Variants in SPAST observed in about 807,000 individuals in gnomAD.
SPAST encodes the protein spastin.
A neutral mutation model predicts 76.6 loss-of-function variants in SPAST; 30 were observed. That is an observed-to-expected ratio of 0.39 (90% CI 0.29 to 0.53). The LOEUF is 0.53. SPAST is among the 20% of genes least tolerant of loss of function. The pLI, the probability that SPAST is intolerant of heterozygous loss-of-function variation, is 0.68. For missense variants in SPAST, 717 were observed against 770.5 expected (o/e 0.93, Z 0.82); for synonymous variants, 305 against 281.0 (o/e 1.09, Z -0.86).
intron 15 of SPAST, among the ~76,000 whole-genome samples, chr2:32,145,969 G>GCCTATATTATA (rs1679873211): frequency 1.3e-5 from 2 of 152,192 alleles, no homozygotes; most frequent in African/African-American, 4.8e-5. Flanking sequence ...TGCATTAAAA[G>GCCTATATTATA]CCTACATTAT....
chr2:32,136,602 G>T lies in SPAST; in HGVS notation c.1285G>T (p.Val429Leu). 3.7e-6 allele frequency: 6 copies of T among 1,613,744 alleles called. No homozygotes were observed. Among genetic ancestry groups the T allele is most frequent in the Non-Finnish European group, 5.1e-6 (6 of 1,179,738 alleles). ...GAAATTGGTGAGGGCTCTTTTTGCT[G>T]TGGCTCGAGAACTTCAACCTTCTAT... The part of the protein sequence containing the change: ...GEKLVRALFA[V>L]ARELQPSIIF... Residue 429 changes from valine (V) to leucine (L), a missense_variant, in exon 10 of 17, where the codon GTG becomes TTG. By Grantham distance (32) the Val-to-Leu change is conservative (BLOSUM62 1). Coordinates refer to ENST00000315285, the MANE Select transcript of SPAST (RefSeq NM_014946.4).
At chr2:32,089,466 C>A in intron 2 of SPAST, 56 bp from the exon 3 acceptor site, 1 of 980,138 alleles carries the variant, frequency 1.0e-6, no homozygotes, top group Non-Finnish European at 1.6e-6. Context: ...GATAATTTAT[C>A]GTGAAACAAT....
chr2:32,133,440 A>G (rs903660023), intron 9 of SPAST, among the ~76,000 whole-genome samples: 3 of 152,110 alleles, frequency 2.0e-5, no homozygotes, highest in Non-Finnish European at 4.4e-5. Flanking sequence ...CCACTAGACT[A>G]CTAACATCAT....
chr2:32,128,254 G>A lies in SPAST; in HGVS notation c.1174-154G>A, dbSNP rs2294177. On this transcript the variant is annotated intron_variant, in intron 8 of 16. Coordinates refer to ENST00000315285, the MANE Select transcript of SPAST (RefSeq NM_014946.4). ...AAGTGATGCGCCTGCCTCGGCCTCC[G>A]AAAGTGCTGGGATTACAGGCATGAG... 15,366 of 614,746 alleles carry A rather than the reference G, an allele frequency of 0.025. 438 individuals are homozygous for A. Among genetic ancestry groups the A allele is most frequent in the East Asian group, 0.092 (3,068 of 33,470 alleles). 38.1% of individuals were successfully genotyped at this position (614,746 alleles called of 1,614,324 possible). A position where few individuals can be genotyped will look rare whatever the true frequency, so the allele number is the denominator to read the frequency against.
intron 15 of SPAST, among the ~76,000 whole-genome samples, chr2:32,146,178 G>A (rs1215244455): frequency 6.6e-6 from 1 of 152,184 alleles, no homozygotes; most frequent in East Asian, 1.9e-4. Flanking sequence ...AGTAGCTAAT[G>A]CATAAATGAG....
At chr2:32,150,610 T>G (rs1680052580) in intron 16 of SPAST, among the ~76,000 whole-genome samples, 1 of 151,624 alleles carries the variant, frequency 6.6e-6, no homozygotes, top group Admixed American at 6.6e-5. Context: ...GCTAAATTTT[T>G]AATTTTTTGT....
intron 7 of SPAST, among the ~76,000 whole-genome samples, chr2:32,120,263 C>T (rs1264060752): frequency 1.3e-5 from 2 of 152,018 alleles, no homozygotes; most frequent in Non-Finnish European, 2.9e-5. Context: ...GTTACCTTTT[C>T]GAATCTATTA....
intron 4 of SPAST, among the ~76,000 whole-genome samples, chr2:32,102,624 A>G (rs1356540063): frequency 6.6e-6 from 1 of 152,142 alleles, no homozygotes; most frequent in African/African-American, 2.4e-5. Context: ...AATAGCTCTT[A>G]TTATTTTGAG....
At chr2:32,131,781 G>T (rs1679377591) in intron 9 of SPAST, among the ~76,000 whole-genome samples, 1 of 143,846 alleles carries the variant, frequency 7.0e-6, no homozygotes, top group Admixed American at 7.5e-5. Context: ...CCCTGCCTTA[G>T]CCTGCTGAGT....
intron 4 of SPAST, among the ~76,000 whole-genome samples, chr2:32,110,108 T>G (rs922187956): frequency 1.1e-4 from 9 of 82,984 alleles, no homozygotes; most frequent in Non-Finnish European, 1.6e-4. Context: ...TTTTTTGTTT[T>G]TTTTTTTTGT....
chr2:32,066,994 C>CA (rs1553395256), intron 1 of SPAST, among the ~76,000 whole-genome samples: 241 of 46,968 alleles, frequency 5.1e-3, no homozygotes, highest in African/African-American at 5.7e-3. Flanking sequence ...AAAAAAAAAC[C>CA]AAAAAAAAAA....
intron 1 of SPAST, among the ~76,000 whole-genome samples, chr2:32,083,756 A>ATTTTTT (rs1677348073): frequency 2.1e-5 from 1 of 48,728 alleles, no homozygotes; most frequent in Non-Finnish European, 4.1e-5. Context: ...TATACTATAT[A>ATTTTTT]TATATATATA....
At chr2:32,091,923 T>C (rs1201071826) in intron 3 of SPAST, among the ~76,000 whole-genome samples, 2 of 152,120 alleles carry the variant, frequency 1.3e-5, no homozygotes, top group Admixed American at 1.3e-4. Context: ...GAAGCTAATA[T>C]TATTAGCTAA....
In SPAST at chr2:32,114,901, T is replaced by TTGA; in HGVS notation, c.870+78_870+80dup. On this transcript the variant is annotated intron_variant, in intron 5 of 16. Coordinates refer to ENST00000315285, the MANE Select transcript of SPAST (RefSeq NM_014946.4). ...TTTTAAGATACTATTCCTGCTTAAGTTGATCATAAGTACTTTATAATACTT... is the reference window on the plus strand; with the variant it reads ...TTTTAAGATACTATTCCTGCTTAAGTTGATGATCATAAGTACTTTATAATACTT... The TTGA allele has an allele frequency of 4.8e-6, 5 of 1,040,424 alleles. No homozygotes were observed. In the South Asian group the frequency reaches 6.4e-5, roughly 13 times the overall value. The allele number at this position is 1,040,424 out of a possible 1,614,324, so 64.4% of individuals were successfully genotyped here.
At chr2:32,087,168 T>G (rs540208269) in intron 1 of SPAST, among the ~76,000 whole-genome samples, 6 of 152,306 alleles carry the variant, frequency 3.9e-5, no homozygotes, top group Non-Finnish European at 7.4e-5. Context: ...CATATTTGTA[T>G]TTTTCAAAAG....
At chr2:32,128,672 G>A in intron 9 of SPAST, 193 bp downstream of exon 9, 2 of 582,934 alleles carry the variant, frequency 3.4e-6, no homozygotes. Context: ...TACTGTATTA[G>A]TTTACTGGGG....
chr2:32,101,066 C>T (rs1229809135), intron 4 of SPAST, among the ~76,000 whole-genome samples: 1 of 152,192 alleles, frequency 6.6e-6, no homozygotes, highest in Non-Finnish European at 1.5e-5. Flanking sequence ...AACTAGTTTA[C>T]GTTCCCATCA....
Position 32,119,360 on chromosome 2 carries a change from A to G in SPAST, c.1098+3148A>G, listed in dbSNP as rs534450830. Among the ~76,000 whole-genome samples the G allele has an allele frequency of 2.0e-5, 3 of 152,322 alleles. No homozygotes were observed. The East Asian group carries it at 5.8e-4, about 29-fold the overall frequency. On this transcript the variant is annotated intron_variant, in intron 7 of 16. Coordinates refer to ENST00000315285, the MANE Select transcript of SPAST (RefSeq NM_014946.4). ...TAATTCCCTGTAGTAGGAAGCTTGC[A>G]TAGACCACAATAGAGACATTGTTAG...
At chr2:32,100,793 TC>T (rs1255043893) in intron 4 of SPAST, among the ~76,000 whole-genome samples, 3 of 152,198 alleles carry the variant, frequency 2.0e-5, no homozygotes, top group East Asian at 3.8e-4. Context: ...CATGAACTCA[TC>T]CTTTTTGATG....
Sources: gnomAD v4.1 joint callset for allele counts (sites outside exome capture counted in the v4.1 genomes callset) on GRCh38, gnomAD v4.1.1 for gene constraint, MANE v1.5 for transcripts, NCBI Gene and HGNC (gene_info 2026-07-23, HGNC 2026-07-21) for gene names.